Variants in FANCL observed in about 807,000 individuals in gnomAD.
FANCL encodes E3 ubiquitin-protein ligase FANCL.
FANCL carries 69 observed loss-of-function variants against 59.4 expected under a neutral mutation model. The observed-to-expected ratio is 1.16, with a 90% CI of 0.96 to 1.42. The LOEUF is 1.42. FANCL is among the 40% of genes most tolerant of loss of function. The pLI is 0.00. For missense variants in FANCL, 519 were observed against 447.2 expected (o/e 1.16, Z -1.45); for synonymous variants, 180 against 147.1 (o/e 1.22, Z -1.62).
chr2:58,191,513 T>C (rs1168306186), intron 7 of FANCL, among the ~76,000 whole-genome samples: 3 of 151,898 alleles, frequency 2.0e-5, no homozygotes, highest in Non-Finnish European at 4.4e-5. Context: ...GTACAATGTA[T>C]ATGTAGTCAC....
chr2:58,180,344 G>C (rs1179588342), intron 7 of FANCL, among the ~76,000 whole-genome samples: 1 of 152,080 alleles, frequency 6.6e-6, no homozygotes, highest in Non-Finnish European at 1.5e-5. Flanking sequence ...TGATAGACTG[G>C]AAAAGAAAAT....
In FANCL at chr2:58,160,092, T is replaced by G; in HGVS notation, c.1092+16A>C. The G allele has an allele frequency of 6.2e-7, 1 of 1,611,218 alleles. No individual in the cohort carries two copies. Among genetic ancestry groups the G allele is most frequent in the Non-Finnish European group, 8.5e-7 (1 of 1,177,732 alleles). ...GCTAGGCACATTTTATGAGATGTGA[T>G]TAACAATTTGCTTACCTTACTACAA... is the stretch of plus-strand genomic sequence containing the variant. On this transcript the variant is annotated intron_variant, in intron 13 of 13. Transcript: ENST00000233741.
intron 1 of FANCL, among the ~76,000 whole-genome samples, chr2:58,233,077 G>A (rs555350181): frequency 1.7e-4 from 26 of 151,978 alleles, no homozygotes; most frequent in African/African-American, 5.5e-4. Flanking sequence ...TTAAAAAAAT[G>A]AAACAAAATG....
intron 7 of FANCL, among the ~76,000 whole-genome samples, chr2:58,171,325 G>T (rs1361823084): frequency 3.3e-5 from 5 of 152,124 alleles, no homozygotes; most frequent in Admixed American, 3.3e-4. Context: ...TGAAACTTAA[G>T]TTATTGAGAA....
rs12477242 is a variant in FANCL, at chr2:58,225,657, C to T, written c.273+1071G>A. On this transcript the variant is annotated intron_variant, in intron 4 of 13. Coordinates refer to ENST00000233741, the MANE Select transcript of FANCL (RefSeq NM_018062.4). The stretch of plus-strand genomic sequence containing the variant: ...AGAGCACCAAGTAATCTCATAAGAA[C>T]AAATGAATCCAAATCTGCTGAAGCC... Among the ~76,000 whole-genome samples the T allele has an allele frequency of 2.0e-5, 3 of 151,862 alleles. No homozygotes were observed. In the South Asian group the frequency reaches 6.2e-4, roughly 31 times the overall value.
intron 5 of FANCL, among the ~76,000 whole-genome samples, chr2:58,212,872 C>A (rs1691322184): frequency 6.6e-6 from 1 of 152,162 alleles, no homozygotes; most frequent in South Asian, 2.1e-4. Flanking sequence ...AGCAATCAAA[C>A]TTAAGGTCAA....
chr2:58,161,489 GAA>G, intron 12 of FANCL, 31 bp downstream of exon 12: 1 of 1,336,308 alleles, frequency 7.5e-7, no homozygotes, highest in Non-Finnish European at 1.1e-6. Context: ...TGTGTTAGCG[GAA>G]AAAAGTCTTG....
chr2:58,198,641 A>C lies in FANCL; in HGVS notation c.493T>G (p.Tyr165Asp), dbSNP rs201084086. The C allele has an allele frequency of 4.2e-5, 68 of 1,613,788 alleles. No homozygotes were observed. The highest frequency in any genetic ancestry group is 3.3e-5 in the Admixed American group (2 of 60,008). ...KAKYPAESPD[Y>D]FVDFPVPFCA... ...AATGGAACAGGAAAATCCACAAAATAATCTGGTGATTCTGCAGGATACTAT... is the reference window on the plus strand; with the variant it reads ...AATGGAACAGGAAAATCCACAAAATCATCTGGTGATTCTGCAGGATACTAT... The change falls in exon 7 of 14, where the codon TAT becomes GAT. Residue 165 changes from tyrosine to aspartate, a missense_variant. Coordinates refer to ENST00000233741, the MANE Select transcript of FANCL (RefSeq NM_018062.4).
intron 7 of FANCL, among the ~76,000 whole-genome samples, chr2:58,172,683 G>A (rs1444851450): frequency 6.6e-6 from 1 of 152,096 alleles, no homozygotes; most frequent in African/African-American, 2.4e-5. Context: ...CACAAAGATG[G>A]GGAAAAAACA....
At chr2:58,194,159 C>T (rs1343501739) in intron 7 of FANCL, 13 of 469,950 alleles carry the variant, frequency 2.8e-5, no homozygotes. Flanking sequence ...CTACACCACA[C>T]TGAACCTGAG....
chr2:58,202,376 CT>C (rs1002732977), intron 6 of FANCL, among the ~76,000 whole-genome samples: 4 of 149,156 alleles, frequency 2.7e-5, no homozygotes, highest in South Asian at 2.1e-4. Flanking sequence ...CTAGAACTAA[CT>C]TTTTTTTCCT....
intron 7 of FANCL, 72 bp downstream of exon 7, chr2:58,198,522 T>C (rs543918242): frequency 4.1e-5 from 53 of 1,296,660 alleles, no homozygotes; most frequent in Non-Finnish European, 5.8e-5. Context: ...AATCCCCCCA[T>C]GGATACTCTG....
chr2:58,198,636 A>G lies in FANCL; in HGVS notation c.498T>C (p.Phe166=). 1.9e-6 allele frequency: 3 copies of G among 1,613,998 alleles called. No homozygotes were observed. Among genetic ancestry groups the G allele is most frequent in the Non-Finnish European group, 2.5e-6 (3 of 1,179,866 alleles). Residue 166 remains phenylalanine, a synonymous_variant, in exon 7 of 14, where the codon TTT becomes TTC. Transcript: ENST00000233741. ...CACAAAATGGAACAGGAAAATCCAC[A>G]AAATAATCTGGTGATTCTGCAGGAT... The part of the protein sequence containing the change: ...AKYPAESPDY[F]VDFPVPFCAS...
chr2:58,232,524 T>C (rs926052866), intron 1 of FANCL, among the ~76,000 whole-genome samples: 6 of 152,064 alleles, frequency 3.9e-5, no homozygotes, highest in Non-Finnish European at 2.9e-5. Flanking sequence ...AATAAGGATA[T>C]ATAACATTAT....
At position 58,170,278 on chromosome 2, in the gene FANCL, G is replaced by A. The variant is rs148544500; in HGVS notation, c.541-4404C>T. On this transcript the variant is annotated intron_variant, in intron 7 of 13. Coordinates refer to ENST00000233741, the MANE Select transcript of FANCL (RefSeq NM_018062.4). The stretch of plus-strand genomic sequence containing the variant: ...TTTTCAAACTAGAATTTCCTATCCC[G>A]CCAAACTAACCTTCAGGAGTGAAGG... 7.3e-3 allele frequency among the ~76,000 whole-genome samples: 1,110 copies of A among 152,120 alleles called. 14 individuals are homozygous for A. Among genetic ancestry groups the A allele is most frequent in the African/African-American group, 0.025 (1,037 of 41,498 alleles).
At chr2:58,165,493 G>A (rs1257493353) in intron 8 of FANCL, among the ~76,000 whole-genome samples, 1 of 152,024 alleles carries the variant, frequency 6.6e-6, no homozygotes, top group African/African-American at 2.4e-5. Context: ...CTCTACTTCT[G>A]AATGTTACCT....
chr2:58,216,144 A>G lies in FANCL; in HGVS notation c.374+5798T>C, dbSNP rs114331129. 2.8e-3 allele frequency among the ~76,000 whole-genome samples: 422 copies of G among 152,318 alleles called. 3 individuals are homozygous for G. The highest frequency in any genetic ancestry group is 4.3e-3 in the Non-Finnish European group (292 of 68,036). On this transcript the variant is annotated intron_variant, in intron 5 of 13. Coordinates refer to ENST00000233741, the MANE Select transcript of FANCL (RefSeq NM_018062.4). ...AGGATCTACCAGGGGGGAAATCCCAATGAATATACCTGGCTCTTGCTTGGA... is the reference window on the plus strand; with the variant it reads ...AGGATCTACCAGGGGGGAAATCCCAGTGAATATACCTGGCTCTTGCTTGGA...
chr2:58,198,488 G>A, intron 7 of FANCL, 106 bp downstream of exon 7: 4 of 882,642 alleles, frequency 4.5e-6, no homozygotes, highest in Non-Finnish European at 7.2e-6. Context: ...ATGGATTTTG[G>A]TATTTACAGA....
Position 58,162,451 on chromosome 2 carries a change from C to G in FANCL, c.903+415G>C, listed in dbSNP as rs183036287. ...ACCATGAAAAAAGTATATAGTTGAC[C>G]CTTGAACAACATGGGTTTGAACTGC... On this transcript the variant is annotated intron_variant, in intron 11 of 13. Transcript: ENST00000233741. 6.6e-5 allele frequency among the ~76,000 whole-genome samples: 10 copies of G among 151,856 alleles called. No individual in the cohort carries two copies. The East Asian group carries it at 1.9e-3, about 29-fold the overall frequency.
Sources: gnomAD v4.1 joint callset for allele counts (sites outside exome capture counted in the v4.1 genomes callset) on GRCh38, gnomAD v4.1.1 for gene constraint, MANE v1.5 for transcripts, NCBI Gene and HGNC (gene_info 2026-07-23, HGNC 2026-07-21) for gene names.